The following COL5A2 variants were observed in gnomAD, a reference collection of about 807,000 sequenced individuals.
The protein encoded by COL5A2 is collagen type V alpha 2 chain.
COL5A2 carries 23 observed loss-of-function variants against 208.2 expected under a neutral mutation model. The ratio of observed to expected loss-of-function variants is 0.11; its 90% CI spans 0.08 to 0.16. COL5A2 has a LOEUF of 0.16. Ranked by LOEUF, COL5A2 falls within the 10% of genes least tolerant of loss-of-function variation. The probability of loss-of-function intolerance (pLI) is 1.00; values close to 1 mark genes in which losing one functional copy is unlikely to be tolerated. For missense variants in COL5A2, 1,590 were observed against 1,956.4 expected (o/e 0.81, Z 3.53); for synonymous variants, 625 against 628.5 (o/e 0.99, Z 0.08).
the COL5A2 span, among the ~76,000 whole-genome samples, chr2:189,353,180 TG>T: frequency 6.6e-6 from 1 of 152,182 alleles, no homozygotes; most frequent in Admixed American, 6.5e-5. Context: ...CAAGCTGTTT[TG>T]GTTGCTGTAG....
At chr2:189,310,322 C>T in the COL5A2 span, among the ~76,000 whole-genome samples, 1 of 152,218 alleles carries the variant, frequency 6.6e-6, no homozygotes, top group South Asian at 2.1e-4. Context: ...AAAAGGTGCT[C>T]AACACCACTG....
rs1179207701 is a variant in COL5A2, at chr2:189,057,458, C to T, written c.2230-31G>A. The T allele has an allele frequency of 6.8e-6, 10 of 1,470,916 alleles. No individual in the cohort carries two copies. The African/African-American group carries it at 1.1e-4, about 16-fold the overall frequency. The allele number at this position is 1,470,916 out of a possible 1,614,324, so 91.1% of individuals were successfully genotyped here. A position where few individuals can be genotyped will look rare whatever the true frequency, so the allele number is the denominator to read the frequency against. On this transcript the variant is annotated intron_variant, in intron 33 of 53. Transcript: ENST00000374866. ...ATGAACCAACATTAAGTGACCATACCAATAATATTAAGATTAAACTAATGA... is the reference window on the plus strand; with the variant it reads ...ATGAACCAACATTAAGTGACCATACTAATAATATTAAGATTAAACTAATGA...
intron 1 of COL5A2, among the ~76,000 whole-genome samples, chr2:189,120,693 G>C (rs920806975): frequency 1.3e-5 from 2 of 152,036 alleles, no homozygotes; most frequent in African/African-American, 4.8e-5. Flanking sequence ...ACATAGCAGA[G>C]AGAAAGTGGA....
At chr2:189,396,918 G>GAGAT in the COL5A2 span, among the ~76,000 whole-genome samples, 1 of 149,854 alleles carries the variant, frequency 6.7e-6, no homozygotes. Context: ...TTGAACCCAG[G>GAGAT]AGATGGAGGT....
At chr2:189,419,868 A>AGAG in the COL5A2 span, among the ~76,000 whole-genome samples, 265 of 146,644 alleles carry the variant, frequency 1.8e-3, 2 homozygotes, top group African/African-American at 6.0e-3. Flanking sequence ...AGGTGAGAGG[A>AGAG]GAGGAGGAGG....
chr2:189,228,906 C>G (rs1689448758), upstream of COL5A2, among the ~76,000 whole-genome samples: 1 of 151,666 alleles, frequency 6.6e-6, no homozygotes, highest in Admixed American at 6.6e-5. Context: ...ATGCAAAAAT[C>G]CTCAAAAATA....
intron 1 of COL5A2, among the ~76,000 whole-genome samples, chr2:189,210,887 C>A (rs530437828): frequency 6.6e-6 from 1 of 152,282 alleles, no homozygotes; most frequent in East Asian, 1.9e-4. Flanking sequence ...TTATGGGGAT[C>A]TATGCCAAGT....
chr2:189,335,367 T>C, the COL5A2 span, among the ~76,000 whole-genome samples: 1 of 152,066 alleles, frequency 6.6e-6, no homozygotes. Flanking sequence ...CTGGTGGGAA[T>C]GTAAAATGGT....
chr2:189,264,535 T>A, the COL5A2 span, among the ~76,000 whole-genome samples: 2 of 152,148 alleles, frequency 1.3e-5, no homozygotes, highest in Admixed American at 1.3e-4. Flanking sequence ...GCATACATGA[T>A]GGTAAAACCA....
chr2:189,335,979 G>A, the COL5A2 span, among the ~76,000 whole-genome samples: 1 of 152,056 alleles, frequency 6.6e-6, no homozygotes, highest in Non-Finnish European at 1.5e-5. Context: ...CACAGACTGG[G>A]AGAATATGTT....
At chr2:189,347,453 A>G in the COL5A2 span, among the ~76,000 whole-genome samples, 1 of 152,168 alleles carries the variant, frequency 6.6e-6, no homozygotes, top group Admixed American at 6.6e-5. Context: ...TTAAAATACA[A>G]TAATCATAAT....
the COL5A2 span, among the ~76,000 whole-genome samples, chr2:189,435,369 G>A: frequency 3.5e-4 from 53 of 151,870 alleles, no homozygotes; most frequent in Admixed American, 3.1e-3. Context: ...CAAAAGAAAC[G>A]ACCATCAGAG....
At chr2:189,149,866 T>C (rs1688111663) in intron 1 of COL5A2, among the ~76,000 whole-genome samples, 1 of 152,200 alleles carries the variant, frequency 6.6e-6, no homozygotes, top group African/African-American at 2.4e-5. Flanking sequence ...AGAGAAAATC[T>C]CCATGGTAAT....
the COL5A2 span, among the ~76,000 whole-genome samples, chr2:189,303,092 T>C: frequency 6.6e-6 from 1 of 152,178 alleles, no homozygotes; most frequent in African/African-American, 2.4e-5. Context: ...AGTTTCACTG[T>C]TGCCCCTCAA....
the COL5A2 span, among the ~76,000 whole-genome samples, chr2:189,263,881 C>A: frequency 2.0e-5 from 3 of 152,062 alleles, no homozygotes; most frequent in African/African-American, 7.2e-5. Flanking sequence ...CCTAATGAAG[C>A]ATTTCTCAAA....
chr2:189,354,775 C>G, the COL5A2 span, among the ~76,000 whole-genome samples: 2 of 152,036 alleles, frequency 1.3e-5, no homozygotes, highest in East Asian at 3.9e-4. Flanking sequence ...GTGTCTCTAT[C>G]TCCTTCAGTT....
chr2:189,070,097 A>C (rs1302187693), intron 18 of COL5A2, among the ~76,000 whole-genome samples: 2 of 152,184 alleles, frequency 1.3e-5, no homozygotes, highest in African/African-American at 4.8e-5. Context: ...TTGAGTTTTC[A>C]TTCATATAAA....
intron 3 of COL5A2, 85 bp from the exon 4 acceptor site, chr2:189,100,224 A>G (rs1342849546): frequency 1.0e-6 from 1 of 1,000,438 alleles, no homozygotes; most frequent in African/African-American, 1.6e-5. Context: ...AGAATATGCC[A>G]TGTAAACACA....
At chr2:189,197,471 A>T (rs1689019177) in intron 1 of COL5A2, among the ~76,000 whole-genome samples, 1 of 152,162 alleles carries the variant, frequency 6.6e-6, no homozygotes, top group African/African-American at 2.4e-5. Context: ...TTAATTAATT[A>T]AAAAATTATC....
Sources: allele counts gnomAD v4.1 joint callset (sites outside exome capture counted in the v4.1 genomes callset), GRCh38; gene constraint gnomAD v4.1.1; transcripts MANE v1.5; gene names NCBI Gene and HGNC (gene_info 2026-07-23, HGNC 2026-07-21).